Variants in RTN1 observed in about 807,000 individuals in gnomAD.
RTN1 encodes the protein reticulon 1, also known as reticulon-1.
RTN1 carries 25 observed loss-of-function variants against 65.5 expected under a neutral mutation model. That is an observed-to-expected ratio of 0.38 (90% CI 0.28 to 0.53). The LOEUF is 0.53. Ranked by LOEUF, RTN1 falls within the 20% of genes least tolerant of loss-of-function variation. The pLI, the probability that RTN1 is intolerant of heterozygous loss-of-function variation, is 0.79. For missense variants in RTN1, 983 were observed against 1,025.4 expected (o/e 0.96, Z 0.57); for synonymous variants, 471 against 447.6 (o/e 1.05, Z -0.66).
intron 1 of RTN1, among the ~76,000 whole-genome samples, chr14:59,820,536 T>C (rs965589471): frequency 2.0e-5 from 3 of 152,158 alleles, no homozygotes; most frequent in African/African-American, 7.2e-5. Flanking sequence ...GTTTTAGGTC[T>C]TACACTTAAG....
chr14:59,744,619 T>C (rs1304960122), intron 2 of RTN1, among the ~76,000 whole-genome samples: 5 of 152,206 alleles, frequency 3.3e-5, no homozygotes, highest in Non-Finnish European at 7.3e-5. Context: ...AATAAAATTA[T>C]ATGCAGAACT....
chr14:59,625,866 T>C (rs1882382566), intron 3 of RTN1, among the ~76,000 whole-genome samples: 1 of 152,218 alleles, frequency 6.6e-6, no homozygotes, highest in African/African-American at 2.4e-5. Context: ...AATGGAGTGA[T>C]TGATTACCTA....
chr14:59,724,411 T>C (rs1884712740), intron 3 of RTN1, among the ~76,000 whole-genome samples: 1 of 152,220 alleles, frequency 6.6e-6, no homozygotes, highest in Non-Finnish European at 1.5e-5. Context: ...GCAGGATGGC[T>C]CATCCCCTGG....
chr14:59,716,504 T>C (rs141730813), intron 3 of RTN1, among the ~76,000 whole-genome samples: 2 of 152,340 alleles, frequency 1.3e-5, no homozygotes, highest in African/African-American at 4.8e-5. Context: ...GAAATATTTT[T>C]TGGAACTCTG....
intron 1 of RTN1, among the ~76,000 whole-genome samples, chr14:59,777,283 G>T (rs1694578062): frequency 6.6e-6 from 1 of 152,072 alleles, no homozygotes; most frequent in South Asian, 2.1e-4. Flanking sequence ...TGGGAGTCTG[G>T]TTGCTTTTGT....
chr14:59,655,736 T>C (rs1340299342), intron 3 of RTN1, among the ~76,000 whole-genome samples: 5 of 152,330 alleles, frequency 3.3e-5, no homozygotes, highest in African/African-American at 1.2e-4. Flanking sequence ...GAATTTTCTG[T>C]ATTTTCAACA....
chr14:59,639,915 A>T (rs1369692316), intron 3 of RTN1, among the ~76,000 whole-genome samples: 6 of 152,198 alleles, frequency 3.9e-5, no homozygotes, highest in Non-Finnish European at 8.8e-5. Flanking sequence ...TCACTATTCA[A>T]TTTGGATTCA....
chr14:59,867,092 G>A (rs140574701), intron 1 of RTN1, among the ~76,000 whole-genome samples: 259 of 152,236 alleles, frequency 1.7e-3, no homozygotes, highest in African/African-American at 5.8e-3. Flanking sequence ...TCTTGATTTT[G>A]CTTTCCATAT....
chr14:59,692,800 T>C (rs922480047), intron 3 of RTN1, among the ~76,000 whole-genome samples: 2 of 152,098 alleles, frequency 1.3e-5, no homozygotes, highest in Non-Finnish European at 2.9e-5. Context: ...TGATATATCT[T>C]AAATAGAAAA....
chr14:59,618,676 C>G (rs1459415931), intron 3 of RTN1, among the ~76,000 whole-genome samples: 1 of 152,204 alleles, frequency 6.6e-6, no homozygotes, highest in East Asian at 1.9e-4. Context: ...GGATCAAACC[C>G]TAAATCTGAT....
intron 1 of RTN1, among the ~76,000 whole-genome samples, chr14:59,859,880 C>T (rs1193454444): frequency 2.6e-5 from 4 of 152,150 alleles, no homozygotes; most frequent in East Asian, 1.9e-4. Context: ...AGATGATTTA[C>T]GGTATCTGGC....
chr14:59,676,459 G>A (rs758202731), intron 3 of RTN1, among the ~76,000 whole-genome samples: 23 of 152,126 alleles, frequency 1.5e-4, no homozygotes, highest in Non-Finnish European at 2.9e-4. Context: ...TGGCCTTAAA[G>A]GTAAGTCAAA....
intron 2 of RTN1, among the ~76,000 whole-genome samples, chr14:59,730,480 A>G (rs888232011): frequency 6.6e-6 from 1 of 152,238 alleles, no homozygotes; most frequent in Non-Finnish European, 1.5e-5. Flanking sequence ...TTTCAGAGAT[A>G]TGACACCAAA....
chr14:59,860,471 G>C (rs775255309), intron 1 of RTN1, among the ~76,000 whole-genome samples: 1 of 152,228 alleles, frequency 6.6e-6, no homozygotes, highest in African/African-American at 2.4e-5. Flanking sequence ...ATCTCTGCTA[G>C]GGCAGTGCAA....
chr14:59,713,749 T>C (rs993410417), intron 3 of RTN1, among the ~76,000 whole-genome samples: 2 of 152,178 alleles, frequency 1.3e-5, no homozygotes, highest in Non-Finnish European at 2.9e-5. Flanking sequence ...ACAAGATTTG[T>C]ATAGTTTTTA....
chr14:59,817,723 G>C (rs1398239264), intron 1 of RTN1, among the ~76,000 whole-genome samples: 1 of 151,834 alleles, frequency 6.6e-6, no homozygotes, highest in African/African-American at 2.4e-5. Context: ...TGCCACCCTA[G>C]TGTCCTGCCA....
rs766507615 is a variant in RTN1 at position 59,605,363 on chromosome 14, T to C, written c.2112+5A>G. 1.9e-6 allele frequency: 3 copies of C among 1,613,378 alleles called. No individual in the cohort carries two copies. Among genetic ancestry groups the C allele is most frequent in the Non-Finnish European group, 2.5e-6 (3 of 1,179,720 alleles). On this transcript the variant is annotated splice_donor_5th_base_variant and intron_variant, in intron 5 of 8. Coordinates refer to ENST00000267484, the MANE Select transcript of RTN1 (RefSeq NM_021136.3). ...CTGTGAAGTGAACAGCTTAAGCAAC[T>C]ATACTTTTAAGGAATCCACCAGGTC...
chr14:59,802,556 C>A (rs1886566317), intron 1 of RTN1, among the ~76,000 whole-genome samples: 1 of 152,162 alleles, frequency 6.6e-6, no homozygotes, highest in African/African-American at 2.4e-5. Flanking sequence ...ACATTATTCA[C>A]AATTAATATT....
chr14:59,631,269 G>A (rs932751504), intron 3 of RTN1, among the ~76,000 whole-genome samples: 1 of 152,186 alleles, frequency 6.6e-6, no homozygotes, highest in Admixed American at 6.5e-5. Context: ...CTCTGTTTGT[G>A]GGTTGAAGGA....
Sources: gnomAD v4.1 joint callset for allele counts (sites outside exome capture counted in the v4.1 genomes callset) on GRCh38, gnomAD v4.1.1 for gene constraint, MANE v1.5 for transcripts, NCBI Gene and HGNC (gene_info 2026-07-23, HGNC 2026-07-21) for gene names.